ASXL1: variants seen among roughly 807,000 people sequenced by gnomAD.
The protein encoded by ASXL1 is polycomb group protein ASXL1.
Under a neutral mutation model 89.1 loss-of-function variants are expected in ASXL1, and 65 were observed. The ratio of observed to expected loss-of-function variants is 0.73; its 90% confidence interval spans 0.60 to 0.90. ASXL1 has a LOEUF of 0.90. Ranked by LOEUF, ASXL1 falls within the 40% of genes least tolerant of loss-of-function variation. The probability of loss-of-function intolerance (pLI) is 0.00; values close to 1 mark genes in which losing one functional copy is unlikely to be tolerated. For missense variants in ASXL1, 1,786 were observed against 1,942.9 expected, an observed-to-expected ratio of 0.92 and a Z score of 1.52; for synonymous variants, 739 against 746.9, an observed-to-expected ratio of 0.99 and a Z score of 0.17.
At chr20:32,422,440 G>A (rs1446883533) in intron 4 of ASXL1, among the ~76,000 whole-genome samples, 1 of 144,980 alleles carries the variant, frequency 6.9e-6, no homozygotes, top group Non-Finnish European at 1.5e-5. Context: ...TAACATTAAT[G>A]CAGCATTACC....
At chr20:32,374,946 C>G (rs2048352871) in intron 4 of ASXL1, among the ~76,000 whole-genome samples, 1 of 152,118 alleles carries the variant, frequency 6.6e-6, no homozygotes, top group African/African-American at 2.4e-5. Context: ...TTTTCCATTA[C>G]TTAGAATATC....
At chr20:32,394,401 T>G (rs1032610349) in intron 4 of ASXL1, among the ~76,000 whole-genome samples, 5 of 152,218 alleles carry the variant, frequency 3.3e-5, no homozygotes, top group Non-Finnish European at 7.4e-5. Context: ...CCTCCCAAAG[T>G]GCTGGCATTA....
At position 32,434,612 on chromosome 20, in the gene ASXL1, AGAGAGGCGGCCACCACTGCCATC is replaced by A. The variant is rs755053984; in HGVS notation, c.1902_1924del (p.Glu635ArgfsTer15). ...AGGGGCGAGAGGTCACCACTGCCAT[AGAGAGGCGGCCACCACTGCCATC>A]GGAGGGGGGGGTGGCCCGGGTGGAG... On this transcript the variant is annotated frameshift_variant, in exon 13 of 13. Transcript: ENST00000375687. LOFTEE classifies it low-confidence loss of function (END_TRUNC). 7 of 1,610,816 alleles carry A rather than the reference AGAGAGGCGGCCACCACTGCCATC, an allele frequency of 4.3e-6. No individual in the cohort carries two copies. The highest frequency in any genetic ancestry group is 2.2e-5 in the East Asian group (1 of 44,780).
chr20:32,359,942 A>AT, intron 1 of ASXL1: 2 of 680,252 alleles, frequency 2.9e-6, no homozygotes, highest in Non-Finnish European at 5.5e-6. Context: ...TGCGGATAGC[A>AT]TAAGTGTCTC....
chr20:32,358,737 A>C lies in ASXL1; in HGVS notation c.-39A>C, dbSNP rs1293131047. ...CACCGCCCCAGCCCGCCCAGCCCGGAGGTCCCGCGTGGAGCTGCCGCCGCC... is the reference window on the plus strand; with the variant it reads ...CACCGCCCCAGCCCGCCCAGCCCGGCGGTCCCGCGTGGAGCTGCCGCCGCC... On this transcript the variant is annotated 5_prime_UTR_variant, in exon 1 of 13. Transcript: ENST00000375687. The C allele has an allele frequency of 9.0e-4, 433 of 483,498 alleles. No individual in the cohort carries two copies. Among genetic ancestry groups the C allele is most frequent in the Middle Eastern group, 2.4e-3 (4 of 1,692 alleles). The allele number at this position is 483,498 out of a possible 1,614,324, so 30.0% of individuals were successfully genotyped here. A position where few individuals can be genotyped will look rare whatever the true frequency, so the allele number is the denominator to read the frequency against.
At position 32,411,044 on chromosome 20, in the gene ASXL1, A is replaced by T. The variant is rs1177055611; in HGVS notation, c.253-17084A>T. On this transcript the variant is annotated intron_variant, in intron 4 of 12. Transcript: ENST00000375687. ...AAGACTCTGTCTCAAAAAAAAAAAA[A>T]AATAAAAAAAATAAAAAAAAATTAG... 7.4e-5 allele frequency among the ~76,000 whole-genome samples: 4 copies of T among 53,858 alleles called. 1 individual carries two copies. The highest frequency in any genetic ancestry group is 1.4e-4 in the Non-Finnish European group (3 of 21,322). 35.3% of individuals were successfully genotyped at this position (53,858 alleles called of 152,430 possible). A position where few individuals can be genotyped will look rare whatever the true frequency, so the allele number is the denominator to read the frequency against.
intron 1 of ASXL1, among the ~76,000 whole-genome samples, chr20:32,361,998 G>A (rs1284915147): frequency 6.6e-6 from 1 of 152,142 alleles, no homozygotes; most frequent in African/African-American, 2.4e-5. Context: ...GAACTCGGGA[G>A]GTGGAGGTTG....
chr20:32,408,601 G>A (rs2048994319), intron 4 of ASXL1, among the ~76,000 whole-genome samples: 1 of 152,106 alleles, frequency 6.6e-6, no homozygotes, highest in African/African-American at 2.4e-5. Context: ...TCGGCAGGCT[G>A]TAGTGCAGTG....
chr20:32,363,272 AG>A (rs2048151772), intron 1 of ASXL1, among the ~76,000 whole-genome samples: 2 of 151,960 alleles, frequency 1.3e-5, no homozygotes, highest in Non-Finnish European at 2.9e-5. Context: ...TAAAAAAAAA[AG>A]ATATAAAAAT....
rs2048152331 is a variant in ASXL1 at position 32,363,296 on chromosome 20, C to G, written c.58-3088C>G. Among the ~76,000 whole-genome samples the G allele has an allele frequency of 2.0e-5, 3 of 152,242 alleles. No homozygotes were observed. The South Asian group carries it at 6.2e-4, about 32-fold the overall frequency. ...AAGATATAAAAATTCGCCAGCTCAG[C>G]TTTCATTTAATTAGTATCAAAGAAA... On this transcript the variant is annotated intron_variant, in intron 1 of 12. Transcript: ENST00000375687.
intron 4 of ASXL1, among the ~76,000 whole-genome samples, chr20:32,382,142 A>G (rs1306393923): frequency 6.6e-6 from 1 of 150,654 alleles, no homozygotes; most frequent in Admixed American, 6.6e-5. Context: ...TTTATTTTTT[A>G]TTTTTATTTT....
rs1210603147 is a variant in ASXL1, at chr20:32,375,630, G to T, written c.252+6507G>T. ...TCCTGTATCCAATCATGATATTTTTGAACAATCCAGACTAGTTGTTGTATA... is the reference window on the plus strand; with the variant it reads ...TCCTGTATCCAATCATGATATTTTTTAACAATCCAGACTAGTTGTTGTATA... On this transcript the variant is annotated intron_variant, in intron 4 of 12. Transcript: ENST00000375687. Among the ~76,000 whole-genome samples the T allele has an allele frequency of 3.3e-5, 5 of 151,714 alleles. No homozygotes were observed. The East Asian group carries it at 9.7e-4, about 29-fold the overall frequency.
intron 2 of ASXL1, 58 bp from the exon 3 acceptor site, chr20:32,367,669 A>G (rs2122822998): frequency 1.3e-6 from 1 of 779,652 alleles, no homozygotes; most frequent in East Asian, 2.4e-5. Flanking sequence ...TTTTGTTTTT[A>G]TGGGCTATTT....
chr20:32,412,509 A>C (rs553728461), intron 4 of ASXL1, among the ~76,000 whole-genome samples: 1 of 152,256 alleles, frequency 6.6e-6, no homozygotes, highest in African/African-American at 2.4e-5. Context: ...TGTCAGTAAA[A>C]ATTTTAAATG....
rs151247036 is a variant in ASXL1, at chr20:32,415,205, C to T, written c.253-12923C>T. ...TGTATTTTTAGTATAGATGGGGTTT[C>T]GCCATGTTGGCCAGGCTGGTCTCGA... On this transcript the variant is annotated intron_variant, in intron 4 of 12. Coordinates refer to ENST00000375687, the MANE Select transcript of ASXL1 (RefSeq NM_015338.6). Among the ~76,000 whole-genome samples the T allele has an allele frequency of 4.8e-3, 724 of 152,070 alleles. 7 individuals are homozygous for T. Among genetic ancestry groups the T allele is most frequent in the African/African-American group, 0.015 (622 of 41,458 alleles).
At position 32,359,423 on chromosome 20, in the gene ASXL1, G is replaced by A. The variant is rs574529841; in HGVS notation, c.57+591G>A. ...AGTGTCCTGTGGGCGACACCTGGGA[G>A]GCGGTTAGGAACGCTACTCCTAGGG... On this transcript the variant is annotated intron_variant, in intron 1 of 12. Transcript: ENST00000375687. 235 of 702,232 alleles carry A rather than the reference G, an allele frequency of 3.3e-4. 2 individuals carry two copies. The East Asian group carries it at 6.2e-3, about 19-fold the overall frequency. 43.5% of individuals were successfully genotyped at this position (702,232 alleles called of 1,614,324 possible).
chr20:32,424,395 C>T (rs1469879707), intron 4 of ASXL1, among the ~76,000 whole-genome samples: 14 of 152,058 alleles, frequency 9.2e-5, no homozygotes, highest in African/African-American at 3.1e-4. Flanking sequence ...ATTAGCTGGG[C>T]GTGGTGGCAG....
chr20:32,407,315 A>G (rs6141707), intron 4 of ASXL1, among the ~76,000 whole-genome samples: 51,612 of 151,162 alleles, frequency 0.34, 10,112 homozygotes, highest in East Asian at 0.74. Flanking sequence ...CTGCTCTCCA[A>G]CCTGGGCAAC....
rs774209416 is a variant in ASXL1 at position 32,435,756 on chromosome 20, A to G, written c.3044A>G (p.Glu1015Gly). 3 of 1,614,084 alleles carry G rather than the reference A, an allele frequency of 1.9e-6. No homozygotes were observed. Among genetic ancestry groups the G allele is most frequent in the East Asian group, 2.2e-5 (1 of 44,902 alleles). The change falls in exon 13 of 13, where the codon GAG (glutamate) becomes GGG (glycine). Residue 1015 changes from glutamate to glycine, a missense_variant. By Grantham distance (98) the Glu-to-Gly change is moderately conservative. Around this residue, in one of 3 missense-constraint regions of ASXL1, gnomAD observed 1,418 missense variants for 1,427.8 expected, o/e 0.99. Transcript: ENST00000375687. ...GGTCACCTCACGGAGGACAGCAGTG[A>G]GGCTGACACTAGAGAAGCTGCAGTG... ...FEGHLTEDSSEADTREAAVTK... is the reference protein window; with the variant it reads ...FEGHLTEDSSGADTREAAVTK...
Sources: allele counts gnomAD v4.1 joint callset (sites outside exome capture counted in the v4.1 genomes callset), GRCh38; gene constraint gnomAD v4.1.1; regional missense constraint gnomAD v4.1.1; transcripts MANE v1.5; gene names NCBI Gene and HGNC (gene_info 2026-07-23, HGNC 2026-07-21).